Variants in CTCF observed in about 807,000 individuals in gnomAD.
CTCF encodes transcriptional repressor CTCF.
A neutral mutation model predicts 72.3 loss-of-function variants in CTCF; 7 were observed. The observed-to-expected ratio is 0.10, with a 90% CI of 0.06 to 0.18. CTCF has a LOEUF of 0.18. Ranked by LOEUF, CTCF falls within the 10% of genes least tolerant of loss-of-function variation. The pLI is 1.00. For missense variants in CTCF, 516 were observed against 949.1 expected, an observed-to-expected ratio of 0.54 and a Z score of 6.00; for synonymous variants, 374 against 315.8, an observed-to-expected ratio of 1.18 and a Z score of -1.95.
At chr16:67,570,357 G>T (rs1304492113) in intron 1 of CTCF, among the ~76,000 whole-genome samples, 2 of 152,122 alleles carry the variant, frequency 1.3e-5, no homozygotes, top group Admixed American at 6.5e-5. Flanking sequence ...TGGGATTACA[G>T]GCGTAAGCCA....
chr16:67,621,605 CT>C lies in CTCF; in HGVS notation c.1357+15del. The C allele has an allele frequency of 6.4e-7, 1 of 1,574,762 alleles. No homozygotes were observed. Among genetic ancestry groups the C allele is most frequent in the Non-Finnish European group, 8.7e-7 (1 of 1,148,650 alleles). On this transcript the variant is annotated intron_variant, in intron 7 of 11. Coordinates refer to ENST00000264010, the MANE Select transcript of CTCF (RefSeq NM_006565.4). ...AAAGTGATTTGGGTAAGTAGATTAA[CT>C]AGTGAGAAGTGAAAAAAATATTTTG...
rs191347633 is a variant in CTCF, at chr16:67,576,438, T to C, written c.-10+5174T>C. ...GTATAGTTTGTGTAATTTTTTTTAA[T>C]GCAAATACTTTTTTTCTTTTCTTAG... On this transcript the variant is annotated intron_variant, in intron 2 of 11. Transcript: ENST00000264010. 3.2e-3 allele frequency among the ~76,000 whole-genome samples: 480 copies of C among 152,046 alleles called. 2 individuals carry two copies. The highest frequency in any genetic ancestry group is 5.3e-3 in the Non-Finnish European group (359 of 67,998).
intron 2 of CTCF, among the ~76,000 whole-genome samples, chr16:67,604,090 G>A (rs1343866847): frequency 7.0e-6 from 1 of 142,522 alleles, no homozygotes; most frequent in Admixed American, 7.2e-5. Context: ...TGACCATTCT[G>A]CTGCACTCCA....
intron 2 of CTCF, among the ~76,000 whole-genome samples, chr16:67,608,387 T>C (rs1260048328): frequency 6.6e-6 from 1 of 152,012 alleles, no homozygotes; most frequent in Non-Finnish European, 1.5e-5. Context: ...AGGGAATTCC[T>C]GATCTCATTG....
At chr16:67,613,080 T>G (rs1290870826) in intron 4 of CTCF, among the ~76,000 whole-genome samples, 1 of 152,270 alleles carries the variant, frequency 6.6e-6, no homozygotes, top group African/African-American at 2.4e-5. Context: ...TGTTCAGATA[T>G]TCTGATATTA....
chr16:67,601,251 TGTGTTTTG>T (rs2051883716), intron 2 of CTCF, among the ~76,000 whole-genome samples: 2 of 142,706 alleles, frequency 1.4e-5, no homozygotes, highest in African/African-American at 2.6e-5. Context: ...TGTGTGTGTG[TGTGTTTTG>T]TTTTGTTTTT....
chr16:67,628,282 A>C, intron 8 of CTCF, 88 bp from the exon 9 acceptor site: 1 of 1,222,490 alleles, frequency 8.2e-7, no homozygotes, highest in East Asian at 2.5e-5. Context: ...TGGGTGAGAA[A>C]TACCTGTTGG....
intron 7 of CTCF, chr16:67,623,238 G>A (rs1272558552): frequency 2.0e-5 from 3 of 152,204 alleles, no homozygotes; most frequent in Non-Finnish European, 2.9e-5. Flanking sequence ...TTACAGGCGA[G>A]AGCTGCTACA....
chr16:67,604,565 T>C (rs956235409), intron 2 of CTCF, among the ~76,000 whole-genome samples: 7 of 152,036 alleles, frequency 4.6e-5, no homozygotes, highest in Non-Finnish European at 8.8e-5. Flanking sequence ...ATGGTCTGTA[T>C]CTCCTGACCT....
chr16:67,596,954 T>C (rs1180333987), intron 2 of CTCF, among the ~76,000 whole-genome samples: 1 of 152,172 alleles, frequency 6.6e-6, no homozygotes, highest in Non-Finnish European at 1.5e-5. Context: ...TCTTATTACT[T>C]AGGCTTCTAA....
At chr16:67,636,104 G>A (rs1314936710) in intron 10 of CTCF, among the ~76,000 whole-genome samples, 1 of 152,038 alleles carries the variant, frequency 6.6e-6, no homozygotes, top group African/African-American at 2.4e-5. Flanking sequence ...GGCTGGGCAC[G>A]TTGGCTCATG....
chr16:67,616,757 A>T lies in CTCF; in HGVS notation c.965A>T (p.His322Leu). The T allele has an allele frequency of 6.2e-7, 1 of 1,614,124 alleles. No homozygotes were observed. Among genetic ancestry groups the T allele is most frequent in the Non-Finnish European group, 8.5e-7 (1 of 1,180,014 alleles). ...ATCCTTTCTCTAGGTACTCGTCCTCACAAGTGCCCAGACTGCGACATGGCC... is the reference window on the plus strand; with the variant it reads ...ATCCTTTCTCTAGGTACTCGTCCTCTCAAGTGCCCAGACTGCGACATGGCC... ...HLNTHTGTRP[H>L]KCPDCDMAFV... Residue 322 changes from histidine (H) to leucine (L), a missense_variant, in exon 5 of 12, where the codon CAC becomes CTC. Around this residue, in one of 7 missense-constraint regions of CTCF, gnomAD observed 70 missense variants for 290.1 expected, o/e 0.24. Coordinates refer to ENST00000264010, the MANE Select transcript of CTCF (RefSeq NM_006565.4).
At chr16:67,624,964 A>G (rs1238013557) in intron 7 of CTCF, among the ~76,000 whole-genome samples, 1 of 151,316 alleles carries the variant, frequency 6.6e-6, no homozygotes, top group Non-Finnish European at 1.5e-5. Flanking sequence ...TCACTCTGTC[A>G]CCCAGGCTGG....
In CTCF at chr16:67,611,277, G is replaced by A. The variant is rs377709753; in HGVS notation, c.445G>A (p.Glu149Lys). The A allele has an allele frequency of 1.9e-6, 3 of 1,614,050 alleles. No homozygotes were observed. Among genetic ancestry groups the A allele is most frequent in the Non-Finnish European group, 2.5e-6 (3 of 1,180,030 alleles). ...TGAAGTGTCTAAAGAGGGCCTTGCG[G>A]AAAGTGAACCCATGATATGCCACAC... ...ENEVSKEGLA[E>K]SEPMICHTLP... is the part of the protein sequence containing the mutation. The change falls in exon 3 of 12, where the codon GAA (glutamate) becomes AAA (lysine). Residue 149 changes from glutamate (E) to lysine (K), a missense_variant. Physicochemically the swap from Glu to Lys is moderately conservative, Grantham distance 56. Around this residue, in one of 7 missense-constraint regions of CTCF, gnomAD observed 148 missense variants for 194.9 expected, o/e 0.76. Transcript: ENST00000264010.
Position 67,626,594 on chromosome 16 carries a change from G to A in CTCF, c.1397G>A (p.Gly466Asp). The change falls in exon 8 of 12, where the codon GGC (glycine) becomes GAC (aspartate). Residue 466 changes from glycine to aspartate, a missense_variant. Physicochemically the swap from Gly to Asp is moderately conservative, Grantham distance 94. Transcript: ENST00000264010. The stretch of plus-strand genomic sequence containing the variant: ...AAGCAGCATTCCTATATTGAGCAAG[G>A]CAAGAAATGCCGTTACTGTGATGCT... ...LRKQHSYIEQ[G>D]KKCRYCDAVF... 6.4e-7 allele frequency: 1 copy of A among 1,559,804 alleles called. No homozygotes were observed. The highest frequency in any genetic ancestry group is 8.7e-7 in the Non-Finnish European group (1 of 1,151,208).
At chr16:67,581,953 G>GGTGTGA (rs2051589018) in intron 2 of CTCF, among the ~76,000 whole-genome samples, 1 of 152,174 alleles carries the variant, frequency 6.6e-6, no homozygotes, top group Non-Finnish European at 1.5e-5. Flanking sequence ...GCCGGGTGCA[G>GGTGTGA]TGGCTCATGC....
chr16:67,574,989 A>G (rs993938589), intron 2 of CTCF, among the ~76,000 whole-genome samples: 2 of 152,276 alleles, frequency 1.3e-5, no homozygotes, highest in Admixed American at 6.5e-5. Context: ...GTGTTTTACA[A>G]TTACTAAGTA....
intron 2 of CTCF, among the ~76,000 whole-genome samples, chr16:67,609,767 C>T (rs541766501): frequency 1.8e-4 from 27 of 152,026 alleles, no homozygotes; most frequent in African/African-American, 2.9e-4. Context: ...GGACTACAGG[C>T]GCCCACCACC....
intron 7 of CTCF, among the ~76,000 whole-genome samples, chr16:67,624,069 A>ATATATG (rs2052242227): frequency 1.1e-5 from 1 of 91,458 alleles, no homozygotes; most frequent in Admixed American, 1.3e-4. Flanking sequence ...AAAAAATTAT[A>ATATATG]TATGTGTGTG....
Sources: allele counts gnomAD v4.1 joint callset (sites outside exome capture counted in the v4.1 genomes callset), GRCh38; gene constraint gnomAD v4.1.1; regional missense constraint gnomAD v4.1.1; transcripts MANE v1.5; gene names NCBI Gene and HGNC (gene_info 2026-07-23, HGNC 2026-07-21).